APOC2: variants seen among roughly 807,000 people sequenced by gnomAD.
APOC2 encodes the protein apolipoprotein C-II.
Under a neutral mutation model 10.2 loss-of-function variants are expected in APOC2, and 6 were observed. The ratio of observed to expected loss-of-function variants is 0.59; its 90% CI spans 0.32 to 1.16. The LOEUF (loss-of-function observed/expected upper bound fraction) is 1.16. Ranked by LOEUF, APOC2 falls within the 50% of genes most tolerant of loss-of-function variation. APOC2 has a pLI of 0.05. For synonymous variants in APOC2, 56 were observed against 48.5 expected (o/e 1.15, Z -0.64); for missense variants, 110 against 117.6 (o/e 0.94, Z 0.30).
At chr19:44,947,990 A>G (rs1970340640) in intron 1 of APOC2, among the ~76,000 whole-genome samples, 1 of 152,134 alleles carries the variant, frequency 6.6e-6, no homozygotes, top group Non-Finnish European at 1.5e-5. Flanking sequence ...AATTGCTAGA[A>G]CCCTGGAGGC....
chr19:44,947,308 G>C (rs1271469664), intron 1 of APOC2: 1 of 152,270 alleles, frequency 6.6e-6, no homozygotes, highest in African/African-American at 2.4e-5. Flanking sequence ...CTCTCATAGA[G>C]CAGGTGAGAA....
At position 44,948,712 on chromosome 19, in the gene APOC2, AC is replaced by A; in HGVS notation, c.70del (p.Gln24AsnfsTer17). 1.2e-6 allele frequency: 2 copies of A among 1,613,800 alleles called. No individual in the cohort carries two copies. The highest frequency in any genetic ancestry group is 1.7e-6 in the Non-Finnish European group (2 of 1,179,954). On this transcript the variant is annotated frameshift_variant, in exon 3 of 4. Coordinates refer to ENST00000252490, the MANE Select transcript of APOC2 (RefSeq NM_000483.5). LOFTEE classifies it high-confidence loss of function. ...LLVLGFEVQG[T>X]QQPQQDEMPS... ...CTCTCCCCCTGCAGAGGTCCAGGGGACCCAACAGCCCCAGCAAGATGAGATG... is the reference window on the plus strand; with the variant it reads ...CTCTCCCCCTGCAGAGGTCCAGGGGACCAACAGCCCCAGCAAGATGAGATG...
At chr19:44,947,244 C>T (rs1308367001) in intron 1 of APOC2, 1 of 152,224 alleles carries the variant, frequency 6.6e-6, no homozygotes, top group Non-Finnish European at 1.5e-5. Context: ...TCATCTCCTA[C>T]GTGTGGATGA....
intron 1 of APOC2, among the ~76,000 whole-genome samples, chr19:44,948,073 A>G (rs1970341633): frequency 2.0e-5 from 3 of 151,982 alleles, no homozygotes; most frequent in Admixed American, 2.0e-4. Flanking sequence ...CATCTCAAAA[A>G]ATACGAAAAC....
intron 1 of APOC2, among the ~76,000 whole-genome samples, chr19:44,946,720 G>T (rs1305487021): frequency 1.3e-5 from 2 of 151,978 alleles, no homozygotes; most frequent in Non-Finnish European, 2.9e-5. Context: ...TATTCCAGAG[G>T]CTGAGACAGG....
chr19:44,947,197 CG>C (rs1289131747), intron 1 of APOC2: 11 of 151,952 alleles, frequency 7.2e-5, no homozygotes, highest in Admixed American at 4.6e-4. Context: ...GTTCTTTCTC[CG>C]GGGATCAGAT....
intron 1 of APOC2, chr19:44,948,189 T>C (rs776973923): frequency 3.9e-5 from 13 of 331,596 alleles, no homozygotes; most frequent in African/African-American, 6.5e-5. Context: ...TGAGCCAAGA[T>C]TGCACCACTG....
chr19:44,949,407 T>G lies in APOC2; in HGVS notation c.*158T>G. ...AAAATACAATTCAAGTTGCTTCTCA[T>G]GGATGGCACTGCTTTTCTGAGGACT... is the stretch of plus-strand genomic sequence containing the variant. On this transcript the variant is annotated 3_prime_UTR_variant, in exon 4 of 4. Coordinates refer to ENST00000252490, the MANE Select transcript of APOC2 (RefSeq NM_000483.5). 1.5e-6 allele frequency: 1 copy of G among 674,048 alleles called. No individual in the cohort carries two copies. The highest frequency in any genetic ancestry group is 4.0e-4 in the Middle Eastern group (1 of 2,524). The allele number at this position is 674,048 out of a possible 1,614,324, so 41.8% of individuals were successfully genotyped here.
chr19:44,947,880 C>T (rs544917580), intron 1 of APOC2, among the ~76,000 whole-genome samples: 1 of 152,070 alleles, frequency 6.6e-6, no homozygotes, highest in African/African-American at 2.4e-5. Context: ...CCAGCCTGGC[C>T]AGCATGGTGA....
chr19:44,949,321 T>G lies in APOC2; in HGVS notation c.*72T>G. On this transcript the variant is annotated 3_prime_UTR_variant, in exon 4 of 4. Coordinates refer to ENST00000252490, the MANE Select transcript of APOC2 (RefSeq NM_000483.5). ...CTGATCCCCCAGGTTCAGACTGAGC[T>G]CCCCCTTCCCAGTAGCTCTTGCATC... 2 of 1,172,740 alleles carry G rather than the reference T, an allele frequency of 1.7e-6. No individual in the cohort carries two copies. The highest frequency in any genetic ancestry group is 2.5e-6 in the Non-Finnish European group (2 of 794,050). 72.6% of individuals were successfully genotyped at this position (1,172,740 alleles called of 1,614,324 possible). A position where few individuals can be genotyped will look rare whatever the true frequency, so the allele number is the denominator to read the frequency against.
chr19:44,948,502 T>G lies in APOC2; in HGVS notation c.24T>G (p.Ala8=), dbSNP rs751752773. ...CTATGGGCACACGACTCCTCCCAGC[T>G]CTGTTTCTTGTCCTCCTGGTATTGG... MGTRLLP[A]LFLVLLVLGF... The change falls in exon 2 of 4, where the codon GCT becomes GCG. Residue 8 remains alanine, a synonymous_variant. Transcript: ENST00000252490. 49 of 1,613,936 alleles carry G rather than the reference T, an allele frequency of 3.0e-5. No individual in the cohort carries two copies. The highest frequency in any genetic ancestry group is 6.8e-6 in the Non-Finnish European group (8 of 1,179,994).
chr19:44,948,879 G>T lies in APOC2; in HGVS notation c.215+19G>T, dbSNP rs1292301695. ...AACTCAGGTAGCACCTGCCCCTGGA[G>T]AAATGGGGTCTGGCCCATACCACCG... On this transcript the variant is annotated intron_variant, in intron 3 of 3. Coordinates refer to ENST00000252490, the MANE Select transcript of APOC2 (RefSeq NM_000483.5). 1 of 1,609,504 alleles carries T rather than the reference G, an allele frequency of 6.2e-7. No homozygotes were observed. Among genetic ancestry groups the T allele is most frequent in the Non-Finnish European group, 8.5e-7 (1 of 1,179,980 alleles).
Position 44,949,291 on chromosome 19 carries a change from C to T in APOC2, c.*42C>T, listed in dbSNP as rs200803089. On this transcript the variant is annotated 3_prime_UTR_variant, in exon 4 of 4. Transcript: ENST00000252490. ...CAGTGGACAAGGGGAGAGTCCCCTACTCCCCTGATCCCCCAGGTTCAGACT... is the reference window on the plus strand; with the variant it reads ...CAGTGGACAAGGGGAGAGTCCCCTATTCCCCTGATCCCCCAGGTTCAGACT... 35 of 1,521,022 alleles carry T rather than the reference C, an allele frequency of 2.3e-5. No individual in the cohort carries two copies. In the Admixed American group the frequency reaches 3.5e-4, roughly 15 times the overall value. The allele number at this position is 1,521,022 out of a possible 1,614,324, so 94.2% of individuals were successfully genotyped here.
At chr19:44,948,605 C>T (rs1970348537) in intron 2 of APOC2, 72 bp downstream of exon 2, 1 of 1,603,566 alleles carries the variant, frequency 6.2e-7, no homozygotes, top group South Asian at 1.1e-5. Flanking sequence ...CAGCCCAGGC[C>T]CTTCTTACCT....
chr19:44,948,652 C>G, intron 2 of APOC2, 49 bp from the exon 3 acceptor site: 1 of 1,611,122 alleles, frequency 6.2e-7, no homozygotes. Context: ...TTCCTCCTTT[C>G]CCCCTGCTGC....
chr19:44,948,809 C>A lies in APOC2; in HGVS notation c.164C>A (p.Ala55Asp). ...TACTGGGAGTCAGCAAAGACAGCCG[C>A]CCAGAACCTGTACGAGAAGACATAC... ...SSYWESAKTA[A>D]QNLYEKTYLP... is the part of the protein sequence containing the mutation. Residue 55 changes from alanine (A) to aspartate (D), a missense_variant, in exon 3 of 4, where the codon GCC becomes GAC. Coordinates refer to ENST00000252490, the MANE Select transcript of APOC2 (RefSeq NM_000483.5). The A allele has an allele frequency of 6.2e-7, 1 of 1,614,084 alleles. No individual in the cohort carries two copies. The highest frequency in any genetic ancestry group is 8.5e-7 in the Non-Finnish European group (1 of 1,180,024).
At chr19:44,946,134 T>C (rs1970316192) in intron 1 of APOC2, 59 bp downstream of exon 1, 1 of 151,046 alleles carries the variant, frequency 6.6e-6, no homozygotes, top group Non-Finnish European at 1.5e-5. Context: ...AGGGCAAAGA[T>C]CGATAAAGCA....
chr19:44,946,368 C>T lies in APOC2; in HGVS notation c.-14+293C>T, dbSNP rs944685782. Among the ~76,000 whole-genome samples the T allele has an allele frequency of 2.0e-5, 3 of 152,100 alleles. No homozygotes were observed. The East Asian group carries it at 5.8e-4, about 29-fold the overall frequency. On this transcript the variant is annotated intron_variant, in intron 1 of 3. Coordinates refer to ENST00000252490, the MANE Select transcript of APOC2 (RefSeq NM_000483.5). ...AGGTGCACCACCACACTCCACAAATCACAGAATTTAGAACTGTAGACTATT... is the reference window on the plus strand; with the variant it reads ...AGGTGCACCACCACACTCCACAAATTACAGAATTTAGAACTGTAGACTATT...
chr19:44,946,361 C>G (rs1970321543), intron 1 of APOC2, among the ~76,000 whole-genome samples: 1 of 151,962 alleles, frequency 6.6e-6, no homozygotes, highest in East Asian at 1.9e-4. Flanking sequence ...CACCACACTC[C>G]ACAAATCACA....
Sources: gnomAD v4.1 joint callset for allele counts (sites outside exome capture counted in the v4.1 genomes callset) on GRCh38, gnomAD v4.1.1 for gene constraint, MANE v1.5 for transcripts, NCBI Gene and HGNC (gene_info 2026-07-23, HGNC 2026-07-21) for gene names.